The following EEPD1 variants were observed in gnomAD, a reference collection of about 807,000 sequenced individuals.
The protein encoded by EEPD1 is endonuclease/exonuclease/phosphatase family domain-containing protein 1.
In EEPD1, 17 loss-of-function variants were observed where a neutral mutation model predicts 46.3. That is an observed-to-expected ratio of 0.37 (90% CI 0.25 to 0.55). The LOEUF is 0.55. EEPD1 is among the 20% of genes least tolerant of loss of function. EEPD1 has a pLI of 0.83. For missense variants in EEPD1, 673 were observed against 745.6 expected (o/e 0.90, Z 1.13); for synonymous variants, 313 against 315.6 (o/e 0.99, Z 0.09).
chr7:36,240,315 C>T (rs1289453627), intron 3 of EEPD1, among the ~76,000 whole-genome samples: 2 of 152,168 alleles, frequency 1.3e-5, no homozygotes, highest in Non-Finnish European at 2.9e-5. Flanking sequence ...CTGGTTGGCA[C>T]TAAGACAAAT....
Position 36,300,723 on chromosome 7 carries a change from T to G in EEPD1, c.*1517T>G, listed in dbSNP as rs1787608335. ...CTATTTTTCTCCAAAGGCCATCCTT[T>G]TGGGGCCACCTGGCTCCAAGAAGCA... On this transcript the variant is annotated 3_prime_UTR_variant, in exon 8 of 8. Transcript: ENST00000242108. 6.6e-6 allele frequency: 1 copy of G among 152,170 alleles called. No individual in the cohort carries two copies. 9.4% of individuals were successfully genotyped at this position (152,170 alleles called of 1,614,324 possible). A position where few individuals can be genotyped will look rare whatever the true frequency, so the allele number is the denominator to read the frequency against.
At chr7:36,257,001 G>A (rs1040723082) in intron 3 of EEPD1, among the ~76,000 whole-genome samples, 2 of 152,132 alleles carry the variant, frequency 1.3e-5, no homozygotes, top group Non-Finnish European at 2.9e-5. Context: ...ATGTGCTCTT[G>A]TAAGGCAGGC....
Position 36,299,424 on chromosome 7 carries a change from C to G in EEPD1, c.*218C>G, listed in dbSNP as rs567292047. 2.0e-5 allele frequency: 12 copies of G among 610,686 alleles called. No individual in the cohort carries two copies. The highest frequency in any genetic ancestry group is 3.0e-5 in the Admixed American group (1 of 33,430). The allele number at this position is 610,686 out of a possible 1,614,324, so 37.8% of individuals were successfully genotyped here. A position where few individuals can be genotyped will look rare whatever the true frequency, so the allele number is the denominator to read the frequency against. Reference sequence around the variant, plus strand: ...CCCCACCAGGTGGGCAAAGCAGAAACCTGCGGGGAGCGGAGACGCCTTTTA... The same window carrying G: ...CCCCACCAGGTGGGCAAAGCAGAAAGCTGCGGGGAGCGGAGACGCCTTTTA... On this transcript the variant is annotated 3_prime_UTR_variant, in exon 8 of 8. Transcript: ENST00000242108.
chr7:36,282,027 C>T (rs760385164), intron 4 of EEPD1, among the ~76,000 whole-genome samples: 7 of 152,182 alleles, frequency 4.6e-5, no homozygotes, highest in Non-Finnish European at 7.3e-5. Context: ...CAGTAAGCCC[C>T]TACTCTCTTT....
Position 36,181,442 on chromosome 7 carries a change from C to T in EEPD1, c.878+26240C>T, listed in dbSNP as rs114834042. Among the ~76,000 whole-genome samples the T allele has an allele frequency of 4.6e-5, 7 of 152,226 alleles. No homozygotes were observed. The South Asian group carries it at 8.3e-4, about 18-fold the overall frequency. On this transcript the variant is annotated intron_variant, in intron 2 of 7. Coordinates refer to ENST00000242108, the MANE Select transcript of EEPD1 (RefSeq NM_030636.3). ...GTCAATCATTTTGACTTAAGACAAG[C>T]GATTATATCTTTGCACTCCTAACAT...
At chr7:36,268,115 A>C (rs1787051810) in intron 3 of EEPD1, among the ~76,000 whole-genome samples, 2 of 152,128 alleles carry the variant, frequency 1.3e-5, no homozygotes, top group African/African-American at 4.8e-5. Context: ...ATAAGAACCT[A>C]GCCCAGGATG....
intron 6 of EEPD1, among the ~76,000 whole-genome samples, chr7:36,292,727 C>T (rs1787468138): frequency 6.6e-6 from 1 of 152,110 alleles, no homozygotes; most frequent in Non-Finnish European, 1.5e-5. Context: ...AGGCTGGTCT[C>T]AAACTCCTGA....
chr7:36,263,543 G>A (rs1482215431), intron 3 of EEPD1, among the ~76,000 whole-genome samples: 1 of 152,194 alleles, frequency 6.6e-6, no homozygotes, highest in Admixed American at 6.5e-5. Context: ...TTCCCAATGT[G>A]TATAGCTCTG....
chr7:36,234,544 C>G (rs776532890), intron 2 of EEPD1, among the ~76,000 whole-genome samples: 2 of 151,704 alleles, frequency 1.3e-5, no homozygotes, highest in Non-Finnish European at 2.9e-5. Flanking sequence ...TGGTGGCGTG[C>G]GCCTGCAGTC....
At chr7:36,266,433 A>T (rs196572) in intron 3 of EEPD1, among the ~76,000 whole-genome samples, 1 of 151,820 alleles carries the variant, frequency 6.6e-6, no homozygotes, top group Admixed American at 6.6e-5. Context: ...TCCCCTGACC[A>T]AGAGCTCCAC....
At position 36,153,670 on chromosome 7, in the gene EEPD1, G is replaced by C. The variant is rs1467215233; in HGVS notation, c.-197G>C. On this transcript the variant is annotated 5_prime_UTR_variant, in exon 1 of 8. Coordinates refer to ENST00000242108, the MANE Select transcript of EEPD1 (RefSeq NM_030636.3). ...GGAACCGGCGCCCCGCAGAGCGGCCGAGAGGTGGGGCGCGGGGACCCGCGG... is the reference window on the plus strand; with the variant it reads ...GGAACCGGCGCCCCGCAGAGCGGCCCAGAGGTGGGGCGCGGGGACCCGCGG... 1 of 152,660 alleles carries C rather than the reference G, an allele frequency of 6.6e-6. No homozygotes were observed. Among genetic ancestry groups the C allele is most frequent in the African/African-American group, 2.4e-5 (1 of 41,460 alleles). 9.5% of individuals were successfully genotyped at this position (152,660 alleles called of 1,614,324 possible).
Position 36,300,336 on chromosome 7 carries a change from C to T in EEPD1, c.*1130C>T, listed in dbSNP as rs1349780675. On this transcript the variant is annotated 3_prime_UTR_variant, in exon 8 of 8. Transcript: ENST00000242108. The stretch of plus-strand genomic sequence containing the variant: ...CAGGAGGGATTTCCCTTAGGCAACA[C>T]CATCCCAGGGAGATCTGCCACAATT... 4 of 152,236 alleles carry T rather than the reference C, an allele frequency of 2.6e-5. No homozygotes were observed. The highest frequency in any genetic ancestry group is 5.9e-5 in the Non-Finnish European group (4 of 68,056). The allele number at this position is 152,236 out of a possible 1,614,324, so 9.4% of individuals were successfully genotyped here. A position where few individuals can be genotyped will look rare whatever the true frequency, so the allele number is the denominator to read the frequency against.
intron 2 of EEPD1, among the ~76,000 whole-genome samples, chr7:36,200,904 A>G (rs905557168): frequency 7.9e-5 from 12 of 152,180 alleles, no homozygotes; most frequent in African/African-American, 2.9e-4. Context: ...ATTCATCACA[A>G]AGGGGCAAAC....
At chr7:36,223,153 A>AAAAAAAAT (rs1786176309) in intron 2 of EEPD1, among the ~76,000 whole-genome samples, 1 of 150,396 alleles carries the variant, frequency 6.6e-6, no homozygotes, top group Non-Finnish European at 1.5e-5. Flanking sequence ...TGTGTCTCAA[A>AAAAAAAAT]AAATAAATAA....
chr7:36,267,646 AG>A (rs1787043573), intron 3 of EEPD1, among the ~76,000 whole-genome samples: 1 of 152,190 alleles, frequency 6.6e-6, no homozygotes, highest in Admixed American at 6.5e-5. Flanking sequence ...CCCCAGCTGC[AG>A]TTTTACATGC....
chr7:36,179,549 G>T (rs1290970720), intron 2 of EEPD1, among the ~76,000 whole-genome samples: 1 of 151,012 alleles, frequency 6.6e-6, no homozygotes, highest in Non-Finnish European at 1.5e-5. Flanking sequence ...GGCAAGAAAG[G>T]ACCACACTGT....
At chr7:36,157,097 C>A (rs1784836909) in intron 2 of EEPD1, among the ~76,000 whole-genome samples, 1 of 152,098 alleles carries the variant, frequency 6.6e-6, no homozygotes, top group African/African-American at 2.4e-5. Flanking sequence ...TCTAAGTAAT[C>A]TAAAGATGAA....
intron 3 of EEPD1, among the ~76,000 whole-genome samples, chr7:36,266,839 C>G (rs566049899): frequency 6.6e-6 from 1 of 152,304 alleles, no homozygotes; most frequent in Admixed American, 6.5e-5. Flanking sequence ...CAATATGTAG[C>G]CTTTTGTGTC....
At chr7:36,161,945 C>T (rs1784906041) in intron 2 of EEPD1, among the ~76,000 whole-genome samples, 1 of 151,552 alleles carries the variant, frequency 6.6e-6, no homozygotes, top group South Asian at 2.1e-4. Flanking sequence ...GATTTTATCC[C>T]AGAATTCCCT....
Sources: allele counts gnomAD v4.1 joint callset (sites outside exome capture counted in the v4.1 genomes callset), GRCh38; gene constraint gnomAD v4.1.1; transcripts MANE v1.5; gene names NCBI Gene and HGNC (gene_info 2026-07-23, HGNC 2026-07-21).